Variants in GDPD1 observed in about 807,000 individuals in gnomAD.
GDPD1 encodes glycerophosphodiester phosphodiesterase domain containing 1.
In GDPD1, 28 loss-of-function variants were observed where a neutral mutation model predicts 45.1. The observed-to-expected ratio is 0.62, with a 90% confidence interval of 0.46 to 0.85. The LOEUF is 0.85. Among genes scored for constraint, GDPD1 ranks in the 40% least tolerant of loss-of-function variants. The pLI is 0.00. For missense variants in GDPD1, 256 were observed against 364.8 expected (o/e 0.70, Z 2.43); for synonymous variants, 139 against 131.4 (o/e 1.06, Z -0.40).
chr17:59,232,398 C>T (rs973893812), intron 1 of GDPD1, among the ~76,000 whole-genome samples: 11 of 150,778 alleles, frequency 7.3e-5, no homozygotes, highest in South Asian at 2.1e-4. Context: ...TACGTTGAGC[C>T]GAGATCACGC....
chr17:59,254,285 C>T (rs560221867), intron 4 of GDPD1, among the ~76,000 whole-genome samples: 10 of 148,640 alleles, frequency 6.7e-5, no homozygotes, highest in Non-Finnish European at 1.2e-4. Flanking sequence ...CACTTGAACC[C>T]GGGAGGCAGA....
chr17:59,224,776 C>T (rs2047034801), intron 1 of GDPD1, among the ~76,000 whole-genome samples: 1 of 152,074 alleles, frequency 6.6e-6, no homozygotes, highest in Admixed American at 6.6e-5. Flanking sequence ...TATGATCGTG[C>T]CTGTGAATAG....
intron 2 of GDPD1, among the ~76,000 whole-genome samples, chr17:59,242,590 T>C (rs960739440): frequency 1.3e-5 from 2 of 152,192 alleles, no homozygotes; most frequent in Non-Finnish European, 2.9e-5. Flanking sequence ...TACATAAACT[T>C]TATTTTACAT....
intron 6 of GDPD1, among the ~76,000 whole-genome samples, chr17:59,266,406 A>T (rs2047399645): frequency 6.6e-6 from 1 of 151,414 alleles, no homozygotes; most frequent in Non-Finnish European, 1.5e-5. Context: ...AAAAAAAAAA[A>T]TCTTAAATTT....
chr17:59,230,526 G>A (rs1363868476), intron 1 of GDPD1, among the ~76,000 whole-genome samples: 3 of 151,762 alleles, frequency 2.0e-5, no homozygotes, highest in Non-Finnish European at 4.4e-5. Flanking sequence ...GGGATTACAG[G>A]CATGCGCCAC....
chr17:59,259,502 G>A (rs1401249005), intron 6 of GDPD1, among the ~76,000 whole-genome samples: 3 of 145,426 alleles, frequency 2.1e-5, no homozygotes, highest in Non-Finnish European at 3.0e-5. Flanking sequence ...GGGAGGCAGA[G>A]CTTGCAGTGA....
chr17:59,233,319 C>T (rs1025114133), intron 1 of GDPD1, among the ~76,000 whole-genome samples: 11 of 152,078 alleles, frequency 7.2e-5, no homozygotes, highest in Non-Finnish European at 4.4e-5. Context: ...GGAGACCATC[C>T]TGGCTAACAC....
rs1230853138 is a variant in GDPD1, at chr17:59,228,077, C to T, written c.143-6415C>T. Among the ~76,000 whole-genome samples, 40 of 147,042 alleles carry T rather than the reference C, an allele frequency of 2.7e-4. No individual in the cohort carries two copies. The Admixed American group carries it at 2.8e-3, about 10-fold the overall frequency. On this transcript the variant is annotated intron_variant, in intron 1 of 9. Coordinates refer to ENST00000284116, the MANE Select transcript of GDPD1 (RefSeq NM_182569.4). Reference sequence around the variant, plus strand: ...GTTTCAGCTACTCAGGAGGCTGAGGCAGGAGAATTGCTTGAACCCAGGAGG... The same window carrying T: ...GTTTCAGCTACTCAGGAGGCTGAGGTAGGAGAATTGCTTGAACCCAGGAGG...
At chr17:59,272,206 A>G (rs2047449606) in intron 8 of GDPD1, among the ~76,000 whole-genome samples, 1 of 152,196 alleles carries the variant, frequency 6.6e-6, no homozygotes, top group Non-Finnish European at 1.5e-5. Context: ...ATGTCTTTCC[A>G]GTGCAATGAA....
intron 1 of GDPD1, among the ~76,000 whole-genome samples, chr17:59,232,736 A>G (rs1286838445): frequency 6.6e-6 from 1 of 152,194 alleles, no homozygotes; most frequent in Admixed American, 6.5e-5. Context: ...CTTTTATAAA[A>G]TCAAAGAGAG....
At chr17:59,240,573 ATC>A (rs1488628448) in intron 2 of GDPD1, among the ~76,000 whole-genome samples, 1 of 151,990 alleles carries the variant, frequency 6.6e-6, no homozygotes, top group Non-Finnish European at 1.5e-5. Context: ...GGCTCAAGCG[ATC>A]CTCCTGCCTC....
At chr17:59,263,604 G>A (rs927146557) in intron 6 of GDPD1, among the ~76,000 whole-genome samples, 6 of 148,234 alleles carry the variant, frequency 4.0e-5, no homozygotes, top group African/African-American at 5.0e-5. Context: ...TCAGCCTCCC[G>A]AGTAGCTGGG....
intron 2 of GDPD1, among the ~76,000 whole-genome samples, chr17:59,235,201 G>GAA (rs1597967455): frequency 1.3e-5 from 2 of 151,854 alleles, no homozygotes; most frequent in East Asian, 3.9e-4. Context: ...TAAACCCAAT[G>GAA]AAAGACATTA....
At chr17:59,222,772 C>T (rs2047016518) in intron 1 of GDPD1, among the ~76,000 whole-genome samples, 1 of 152,098 alleles carries the variant, frequency 6.6e-6, no homozygotes, top group Non-Finnish European at 1.5e-5. Flanking sequence ...GCCTTAGCCT[C>T]CCAAAGTGTT....
intron 2 of GDPD1, among the ~76,000 whole-genome samples, chr17:59,239,026 G>A (rs2047155942): frequency 6.6e-6 from 1 of 152,136 alleles, no homozygotes; most frequent in Non-Finnish European, 1.5e-5. Context: ...GGCTGCCTTA[G>A]GAAATACCCG....
In GDPD1 at chr17:59,248,931, G is replaced by A. The variant is rs750335919; in HGVS notation, c.367+146G>A. 56 of 568,092 alleles carry A rather than the reference G, an allele frequency of 9.9e-5. 1 individual carries two copies. The Admixed American group carries it at 1.1e-3, about 11-fold the overall frequency. 35.2% of individuals were successfully genotyped at this position (568,092 alleles called of 1,614,324 possible). A position where few individuals can be genotyped will look rare whatever the true frequency, so the allele number is the denominator to read the frequency against. On this transcript the variant is annotated intron_variant, in intron 4 of 9. Transcript: ENST00000284116. ...TCTGAATACTTGAAAATTATCTGAC[G>A]TGAAATTATCAGGTCCAAAGAGTTA...
intron 9 of GDPD1, 133 bp from the exon 10 acceptor site, chr17:59,273,518 A>C (rs965332693): frequency 2.2e-5 from 10 of 453,142 alleles, no homozygotes; most frequent in Middle Eastern, 1.2e-3. Context: ...AAAAGGATCT[A>C]ATGATTTATT....
intron 1 of GDPD1, among the ~76,000 whole-genome samples, chr17:59,225,247 C>T (rs770413715): frequency 4.0e-5 from 6 of 151,578 alleles, no homozygotes; most frequent in Non-Finnish European, 5.9e-5. Flanking sequence ...GGTGCCACCA[C>T]GCCCAGCTAA....
intron 6 of GDPD1, among the ~76,000 whole-genome samples, chr17:59,265,894 C>A (rs2047394966): frequency 8.2e-6 from 1 of 121,988 alleles, no homozygotes; most frequent in Admixed American, 8.5e-5. Context: ...ACAGTGAGAC[C>A]TTATCTCAAA....
Sources: allele counts gnomAD v4.1 joint callset (sites outside exome capture counted in the v4.1 genomes callset), GRCh38; gene constraint gnomAD v4.1.1; transcripts MANE v1.5; gene names NCBI Gene and HGNC (gene_info 2026-07-23, HGNC 2026-07-21).